ACO1: variants seen among roughly 807,000 people sequenced by gnomAD.
ACO1 encodes the protein aconitase 1.
A neutral mutation model predicts 105.1 loss-of-function variants in ACO1; 78 were observed. The observed-to-expected ratio is 0.74, with a 90% CI of 0.62 to 0.90. The LOEUF (loss-of-function observed/expected upper bound fraction) is 0.90. Among genes scored for constraint, ACO1 ranks in the 40% least tolerant of loss-of-function variants. The probability of loss-of-function intolerance (pLI) is 0.00; values close to 1 mark genes in which losing one functional copy is unlikely to be tolerated. For missense variants in ACO1, 965 were observed against 1,111.1 expected (o/e 0.87, Z 1.87); for synonymous variants, 364 against 397.4 (o/e 0.92, Z 1.00).
chr9:32,438,750 A>G (rs1370712494), intron 18 of ACO1, among the ~76,000 whole-genome samples: 1 of 152,234 alleles, frequency 6.6e-6, no homozygotes, highest in African/African-American at 2.4e-5. Flanking sequence ...AGCTGTAAAT[A>G]GTATTTATGT....
At position 32,384,650 on chromosome 9, in the gene ACO1, C is replaced by A. The variant is rs1264523458; in HGVS notation, c.-108C>A. The A allele has an allele frequency of 1.0e-5, 4 of 386,776 alleles. No homozygotes were observed. The highest frequency in any genetic ancestry group is 1.7e-5 in the South Asian group (1 of 57,262). 24.0% of individuals were successfully genotyped at this position (386,776 alleles called of 1,614,324 possible). ...GAGAGGGGGCGGAGCGTGGAGGCGG[C>A]AGCTGGAACCGCGCAGCGCACGGGA... On this transcript the variant is annotated 5_prime_UTR_variant, in exon 1 of 21. Transcript: ENST00000309951.
chr9:32,422,910 G>A (rs1251075972), intron 8 of ACO1, among the ~76,000 whole-genome samples: 2 of 152,204 alleles, frequency 1.3e-5, no homozygotes, highest in African/African-American at 4.8e-5. Context: ...GTGGGGTTGG[G>A]ATGCGTTTTA....
intron 18 of ACO1, among the ~76,000 whole-genome samples, chr9:32,437,011 G>A (rs1822376751): frequency 6.6e-6 from 1 of 152,188 alleles, no homozygotes; most frequent in South Asian, 2.1e-4. Flanking sequence ...ATAGAGTCTG[G>A]TACATGTCAT....
intron 20 of ACO1, 50 bp from the exon 21 acceptor site, chr9:32,449,948 A>G: frequency 6.8e-7 from 1 of 1,480,342 alleles, no homozygotes; most frequent in Non-Finnish European, 9.4e-7. Flanking sequence ...CTCCGAGCAG[A>G]GCTGTCTCGC....
intron 1 of ACO1, among the ~76,000 whole-genome samples, chr9:32,396,524 C>T (rs1164858236): frequency 6.6e-6 from 1 of 152,196 alleles, no homozygotes; most frequent in Non-Finnish European, 1.5e-5. Context: ...CTTAGACCCA[C>T]CAGGCATGCC....
chr9:32,434,510 T>C, intron 16 of ACO1, 49 bp from the exon 17 acceptor site: 1 of 1,610,606 alleles, frequency 6.2e-7, no homozygotes, highest in South Asian at 1.1e-5. Flanking sequence ...ATCTGGTAAC[T>C]TGTTTGGGAA....
chr9:32,424,238 G>C (rs1490861639), intron 9 of ACO1, among the ~76,000 whole-genome samples: 4 of 152,128 alleles, frequency 2.6e-5, no homozygotes, highest in African/African-American at 4.8e-5. Flanking sequence ...TATAAAACGC[G>C]ATGAGCTGCC....
chr9:32,448,922 C>T lies in ACO1; in HGVS notation c.2397C>T (p.Ser799=). 1 of 1,614,234 alleles carries T rather than the reference C, an allele frequency of 6.2e-7. No individual in the cohort carries two copies. Among genetic ancestry groups the T allele is most frequent in the South Asian group, 1.1e-5 (1 of 91,084 alleles). The change falls in exon 20 of 21, where the codon AGC becomes AGT. Residue 799 remains serine, a synonymous_variant. Transcript: ENST00000309951. ...LLGIKAVLAE[S]YERIHRSNLV... ...GAATCAAAGCCGTCCTGGCCGAGAG[C>T]TACGAGCGCATTCACCGCAGTAACC...
intron 1 of ACO1, chr9:32,386,299 C>T (rs1439534599): frequency 6.6e-6 from 1 of 152,216 alleles, no homozygotes; most frequent in Non-Finnish European, 1.5e-5. Flanking sequence ...TTTGCAGTTG[C>T]ATGGTTATTA....
At chr9:32,410,342 A>G (rs1336217247) in intron 4 of ACO1, among the ~76,000 whole-genome samples, 1 of 152,136 alleles carries the variant, frequency 6.6e-6, no homozygotes, top group Non-Finnish European at 1.5e-5. Context: ...GCGGATCACA[A>G]GGTCAGGAGA....
chr9:32,419,773 T>G (rs1821929251), intron 7 of ACO1, among the ~76,000 whole-genome samples: 1 of 152,226 alleles, frequency 6.6e-6, no homozygotes, highest in Admixed American at 6.5e-5. Context: ...CTGGAAAGTA[T>G]TAGGCTTTTT....
rs1174873884 is a variant in ACO1 at position 32,439,657 on chromosome 9, C to T, written c.2248-808C>T. On this transcript the variant is annotated intron_variant, in intron 18 of 20. Coordinates refer to ENST00000309951, the MANE Select transcript of ACO1 (RefSeq NM_002197.3). This position sits in a 1 kb window ranked among gnomAD's most constrained non-coding sequence, Gnocchi z 4.0. ...CTACCTTTTATTGGGCTTCCATTTG[C>T]ATTTCTAGCATCTCTTCCCTTGACC... is the stretch of plus-strand genomic sequence containing the variant. Among the ~76,000 whole-genome samples, 1 of 152,192 alleles carries T rather than the reference C, an allele frequency of 6.6e-6. No homozygotes were observed. Among genetic ancestry groups the T allele is most frequent in the Non-Finnish European group, 1.5e-5 (1 of 68,028 alleles).
At chr9:32,405,234 C>G (rs1227850308) in intron 1 of ACO1, among the ~76,000 whole-genome samples, 2 of 152,226 alleles carry the variant, frequency 1.3e-5, no homozygotes, top group African/African-American at 4.8e-5. Flanking sequence ...CAGGAAGACA[C>G]AGGCTGCTTC....
In ACO1 at chr9:32,423,567, C is replaced by G. The variant is rs79958302; in HGVS notation, c.1071+148C>G. On this transcript the variant is annotated intron_variant, in intron 9 of 20. Transcript: ENST00000309951. ...ACGGAGTTTTAGAAGGTTGAAAAAC[C>G]AAAAGGATAAGGCAATTGTAAACAT... 5,951 of 656,260 alleles carry G rather than the reference C, an allele frequency of 9.1e-3. 217 individuals carry two copies. The African/African-American group carries it at 0.094, about 10-fold the overall frequency. The allele number at this position is 656,260 out of a possible 1,614,324, so 40.7% of individuals were successfully genotyped here. A position where few individuals can be genotyped will look rare whatever the true frequency, so the allele number is the denominator to read the frequency against.
intron 17 of ACO1, among the ~76,000 whole-genome samples, chr9:32,435,455 C>T (rs535699058): frequency 2.0e-5 from 3 of 152,242 alleles, no homozygotes; most frequent in Admixed American, 2.0e-4. Flanking sequence ...TCAGGGATTC[C>T]AAGACATACT....
At chr9:32,387,209 A>G (rs1821173290) in intron 1 of ACO1, among the ~76,000 whole-genome samples, 1 of 152,196 alleles carries the variant, frequency 6.6e-6, no homozygotes, top group African/African-American at 2.4e-5. Flanking sequence ...TCACTGGGCC[A>G]GCCTCGGGTT....
Position 32,449,003 on chromosome 9 carries a change from C to T in ACO1, c.2478C>T (p.Ala826=), listed in dbSNP as rs573735248. The T allele has an allele frequency of 6.2e-7, 1 of 1,614,112 alleles. No individual in the cohort carries two copies. Among genetic ancestry groups the T allele is most frequent in the Non-Finnish European group, 8.5e-7 (1 of 1,179,998 alleles). ...LEYLPGENAD[A]LGLTGQERYT... is the part of the protein sequence containing the mutation. Reference sequence around the variant, plus strand: ...ATCTCCCTGGTGAGAATGCAGATGCCCTGGGGCTCACAGGGCAAGAACGAT... The same window carrying T: ...ATCTCCCTGGTGAGAATGCAGATGCTCTGGGGCTCACAGGGCAAGAACGAT... The change falls in exon 20 of 21, where the codon GCC becomes GCT. Residue 826 remains alanine, a synonymous_variant. Coordinates refer to ENST00000309951, the MANE Select transcript of ACO1 (RefSeq NM_002197.3).
At chr9:32,433,902 T>C (rs1822295775) in intron 16 of ACO1, 70 bp downstream of exon 16, 4 of 1,230,970 alleles carry the variant, frequency 3.2e-6, no homozygotes, top group Non-Finnish European at 4.6e-6. Flanking sequence ...TCTACTTTAT[T>C]ACCCCATGCT....
chr9:32,440,692 G>T (rs1346856392), intron 19 of ACO1, 105 bp downstream of exon 19: 4 of 1,437,812 alleles, frequency 2.8e-6, no homozygotes, highest in Non-Finnish European at 3.7e-6. Flanking sequence ...TCAAGGAAGA[G>T]CAAGCTCAAA....
Sources: gnomAD v4.1 joint callset for allele counts (sites outside exome capture counted in the v4.1 genomes callset) on GRCh38, gnomAD v4.1.1 for gene constraint, Gnocchi (gnomAD v3.1) non-coding constraint, MANE v1.5 for transcripts, NCBI Gene and HGNC (gene_info 2026-07-23, HGNC 2026-07-21) for gene names.